Variants in UNC13B observed in about 807,000 individuals in gnomAD.
UNC13B encodes protein unc-13 homolog B.
Under a neutral mutation model 211.0 loss-of-function variants are expected in UNC13B, and 144 were observed. That is an observed-to-expected ratio of 0.68 (90% CI 0.60 to 0.78). The LOEUF is 0.78. Among genes scored for constraint, UNC13B ranks in the 30% least tolerant of loss-of-function variants. UNC13B has a pLI of 0.00. For synonymous variants in UNC13B, 709 were observed against 725.8 expected, an observed-to-expected ratio of 0.98 and a Z score of 0.37; for missense variants, 1,777 against 2,002.0, an observed-to-expected ratio of 0.89 and a Z score of 2.14.
intron 1 of UNC13B, among the ~76,000 whole-genome samples, chr9:35,186,327 T>C (rs1403758203): frequency 1.3e-5 from 2 of 152,184 alleles, no homozygotes; most frequent in Non-Finnish European, 2.9e-5. Context: ...AAGCATTTTC[T>C]TTATGCTGAA....
intron 7 of UNC13B, among the ~76,000 whole-genome samples, chr9:35,292,921 G>C (rs1488859872): frequency 6.6e-6 from 1 of 152,252 alleles, no homozygotes; most frequent in Non-Finnish European, 1.5e-5. Flanking sequence ...ATAGATTATG[G>C]AGGCAGTAAG....
chr9:35,403,355 C>A, intron 38 of UNC13B, 85 bp from the exon 39 acceptor site: 7 of 1,602,212 alleles, frequency 4.4e-6, no homozygotes, highest in East Asian at 2.2e-5. Context: ...TCCAGCTCAG[C>A]CCTCCTCCAA....
At chr9:35,298,758 C>T (rs1829524204) in intron 8 of UNC13B, among the ~76,000 whole-genome samples, 2 of 152,166 alleles carry the variant, frequency 1.3e-5, no homozygotes, top group African/African-American at 2.4e-5. Context: ...TCCATCCCTA[C>T]CTTGGTACAC....
chr9:35,232,036 C>T (rs1211922961), intron 3 of UNC13B, among the ~76,000 whole-genome samples: 3 of 151,784 alleles, frequency 2.0e-5, no homozygotes, highest in Admixed American at 6.6e-5. Context: ...AATGAGAAAA[C>T]GTACTGAAAT....
intron 15 of UNC13B, among the ~76,000 whole-genome samples, chr9:35,376,709 T>G (rs1020603495): frequency 2.0e-5 from 3 of 152,154 alleles, no homozygotes; most frequent in African/African-American, 7.2e-5. Context: ...TTTTAGACAA[T>G]AGTGCCAGAA....
Position 35,375,157 on chromosome 9 carries a change from A to C in UNC13B, c.9571A>C (p.Thr3191Pro), listed in dbSNP as rs1834314999. The C allele has an allele frequency of 6.2e-7, 1 of 1,614,178 alleles. No homozygotes were observed. The highest frequency in any genetic ancestry group is 8.5e-7 in the Non-Finnish European group (1 of 1,179,994). The change falls in exon 14 of 40, where the codon ACT becomes CCT. Residue 3191 changes from threonine (T) to proline (P), a missense_variant. By Grantham distance (38) the Thr-to-Pro change is conservative. Coordinates refer to ENST00000635942, the MANE Select transcript of UNC13B (RefSeq NM_001371189.2). ...SLVQSRKAGI[T>P]SAMATRTSLK... ...GGTCCAGTCTCGGAAGGCAGGAATC[A>C]CTTCTGCAATGGCTACACGCACTTC...
chr9:35,203,331 A>G (rs1425221711), intron 1 of UNC13B, among the ~76,000 whole-genome samples: 1 of 152,014 alleles, frequency 6.6e-6, no homozygotes, highest in Non-Finnish European at 1.5e-5. Context: ...TTCCTTCAGG[A>G]GCTCTTATAA....
At chr9:35,177,774 G>A (rs1016132888) in intron 1 of UNC13B, among the ~76,000 whole-genome samples, 4 of 152,218 alleles carry the variant, frequency 2.6e-5, no homozygotes, top group Admixed American at 6.5e-5. Context: ...TGAGGGCAAA[G>A]AAAGGGTGAC....
intron 11 of UNC13B, among the ~76,000 whole-genome samples, chr9:35,347,675 G>A (rs1276657047): frequency 6.6e-6 from 1 of 152,194 alleles, no homozygotes; most frequent in African/African-American, 2.4e-5. Context: ...TCATAAGAAG[G>A]TGTGGAGGCT....
At position 35,300,450 on chromosome 9, in the gene UNC13B, G is replaced by A; in HGVS notation, c.1046G>A (p.Arg349Lys). 1 of 398,980 alleles carries A rather than the reference G, an allele frequency of 2.5e-6. No individual in the cohort carries two copies. Among genetic ancestry groups the A allele is most frequent in the East Asian group, 3.6e-5 (1 of 28,064 alleles). 24.7% of individuals were successfully genotyped at this position (398,980 alleles called of 1,614,324 possible). Residue 349 changes from arginine to lysine, a missense_variant, in exon 9 of 40, where the codon AGG becomes AAG. Coordinates refer to ENST00000635942, the MANE Select transcript of UNC13B (RefSeq NM_001371189.2). ...GATTATGATCTGTCCAGTTGTTTAA[G>A]GCACTGTGAAAAGTCATCTGGCTCA... ...SHDYDLSSCL[R>K]HCEKSSGSNQ...
At chr9:35,258,808 C>T (rs1057499622) in intron 6 of UNC13B, among the ~76,000 whole-genome samples, 185 bp from the exon 7 acceptor site, 1 of 152,222 alleles carries the variant, frequency 6.6e-6, no homozygotes, top group Non-Finnish European at 1.5e-5. Context: ...AGGGCCATAA[C>T]CAATAGTCTG....
chr9:35,364,627 A>G lies in UNC13B; in HGVS notation c.9415-2320A>G, dbSNP rs541869109. ...GTCTATTTCCCTCCCCTCCTTCCCA[A>G]GCACTGTATGTGTGTGTGTATGTGT... On this transcript the variant is annotated intron_variant, in intron 11 of 39. Transcript: ENST00000635942. 3.1e-4 allele frequency: 465 copies of G among 1,509,036 alleles called. 1 individual carries two copies. In the African/African-American group the frequency reaches 5.8e-3, roughly 19 times the overall value. The allele number at this position is 1,509,036 out of a possible 1,614,324, so 93.5% of individuals were successfully genotyped here.
In UNC13B at chr9:35,382,512, G is replaced by A. The variant is rs768839491; in HGVS notation, c.10806+5G>A. The A allele has an allele frequency of 1.9e-6, 3 of 1,608,056 alleles. No homozygotes were observed. The highest frequency in any genetic ancestry group is 1.1e-5 in the South Asian group (1 of 89,760). The stretch of plus-strand genomic sequence containing the variant: ...TTTGCAGCCTCCAACTTTGGGGTAA[G>A]TATCATGTAAACACATATGTCTGCA... On this transcript the variant is annotated splice_donor_5th_base_variant and intron_variant, in intron 21 of 39. Transcript: ENST00000635942.
At position 35,302,807 on chromosome 9, in the gene UNC13B, A is replaced by G; in HGVS notation, c.3403A>G (p.Ile1135Val). ...LVNEINEDEV[I>V]DKTSKKNTQG... ...TAATGAAATTAATGAAGATGAGGTT[A>G]TAGATAAGACTTCCAAGAAAAATAC... is the stretch of plus-strand genomic sequence containing the variant. The change falls in exon 9 of 40, where the codon ATA becomes GTA. Residue 1135 changes from isoleucine to valine, a missense_variant. Ile to Val is a conservative substitution (Grantham distance 29). Coordinates refer to ENST00000635942, the MANE Select transcript of UNC13B (RefSeq NM_001371189.2). 2.5e-6 allele frequency: 1 copy of G among 398,696 alleles called. No individual in the cohort carries two copies. The highest frequency in any genetic ancestry group is 4.4e-6 in the Non-Finnish European group (1 of 225,758). 24.7% of individuals were successfully genotyped at this position (398,696 alleles called of 1,614,324 possible). A position where few individuals can be genotyped will look rare whatever the true frequency, so the allele number is the denominator to read the frequency against.
At chr9:35,288,416 A>G (rs372955358) in intron 7 of UNC13B, among the ~76,000 whole-genome samples, 31 of 152,278 alleles carry the variant, frequency 2.0e-4, no homozygotes, top group East Asian at 1.7e-3. Flanking sequence ...CACTCTAGAT[A>G]TTCTGGAACT....
intron 11 of UNC13B, among the ~76,000 whole-genome samples, chr9:35,318,719 A>C (rs1830587655): frequency 6.6e-6 from 1 of 152,188 alleles, no homozygotes; most frequent in Admixed American, 6.5e-5. Context: ...ATTTGCTGTT[A>C]ACCATGTTAC....
In UNC13B at chr9:35,381,102, A is replaced by G. The variant is rs779201025; in HGVS notation, c.10378A>G (p.Lys3460Glu). 2.7e-5 allele frequency: 43 copies of G among 1,613,616 alleles called. No individual in the cohort carries two copies. The Middle Eastern group carries it at 6.6e-4, about 25-fold the overall frequency. ...CTCCAGTCTTCTTTCCTTCCTAGAG[A>G]AGAGGACAGACAAATCAGCCGTCTC... is the stretch of plus-strand genomic sequence containing the variant. ...GEMDVWYNLEKRTDKSAVSGA... is the reference protein window; with the variant it reads ...GEMDVWYNLEERTDKSAVSGA... Residue 3460 changes from lysine (K) to glutamate (E), a missense_variant and splice_region_variant, in exon 19 of 40, where the codon AAG becomes GAG. Physicochemically the swap from Lys to Glu is moderately conservative, Grantham distance 56. Transcript: ENST00000635942.
Position 35,265,804 on chromosome 9 carries a change from G to A in UNC13B, c.526+6754G>A, listed in dbSNP as rs1225000037. Among the ~76,000 whole-genome samples the A allele has an allele frequency of 3.9e-5, 6 of 152,064 alleles. No individual in the cohort carries two copies. In the East Asian group the frequency reaches 1.2e-3, roughly 29 times the overall value. On this transcript the variant is annotated intron_variant, in intron 7 of 39. Transcript: ENST00000635942. Reference sequence around the variant, plus strand: ...AAAAACAAAGTTATTATTAAGAAAAGTAATTGAGTTCTTGTTCATTCTTTT... The same window carrying A: ...AAAAACAAAGTTATTATTAAGAAAAATAATTGAGTTCTTGTTCATTCTTTT...
intron 7 of UNC13B, among the ~76,000 whole-genome samples, chr9:35,275,313 T>G (rs780588002): frequency 6.6e-6 from 1 of 152,236 alleles, no homozygotes; most frequent in Non-Finnish European, 1.5e-5. Flanking sequence ...AATATGTGCT[T>G]TTCTTACGTG....
Sources: allele counts gnomAD v4.1 joint callset (sites outside exome capture counted in the v4.1 genomes callset), GRCh38; gene constraint gnomAD v4.1.1; transcripts MANE v1.5; gene names NCBI Gene and HGNC (gene_info 2026-07-23, HGNC 2026-07-21).